Variants in C1GALT1 observed in about 807,000 individuals in gnomAD.
C1GALT1 encodes the protein glycoprotein-N-acetylgalactosamine 3-beta-galactosyltransferase 1.
In C1GALT1, 11 loss-of-function variants were observed where a neutral mutation model predicts 31.0. The ratio of observed to expected loss-of-function variants is 0.36; its 90% CI spans 0.22 to 0.59. The LOEUF is 0.59. C1GALT1 is among the 20% of genes least tolerant of loss of function. C1GALT1 has a pLI of 0.79. For synonymous variants in C1GALT1, 175 were observed against 143.6 expected (o/e 1.22, Z -1.56); for missense variants, 424 against 425.2 (o/e 1.00, Z 0.03).
At chr7:7,229,297 G>T (rs796679102) in intron 1 of C1GALT1, among the ~76,000 whole-genome samples, 6 of 152,316 alleles carry the variant, frequency 3.9e-5, no homozygotes, top group African/African-American at 1.4e-4. Flanking sequence ...AGATCAGTGT[G>T]CTGTAAGGCA....
Position 7,238,114 on chromosome 7 carries a change from G to A in C1GALT1, c.221-141G>A. ...AGAGTGTCAGTTCACATTAGGATGA[G>A]TTTGCTTTCCTTTGGCTAAATCACT... On this transcript the variant is annotated intron_variant, in intron 2 of 3. Transcript: ENST00000436587. This position sits in a 1 kb window ranked among gnomAD's most constrained non-coding sequence, Gnocchi z 5.2. 1 of 763,702 alleles carries A rather than the reference G, an allele frequency of 1.3e-6. No homozygotes were observed. The highest frequency in any genetic ancestry group is 2.0e-6 in the Non-Finnish European group (1 of 490,222). 47.3% of individuals were successfully genotyped at this position (763,702 alleles called of 1,614,324 possible).
intron 1 of C1GALT1, among the ~76,000 whole-genome samples, chr7:7,208,921 C>A (rs182161426): frequency 6.6e-6 from 1 of 152,280 alleles, no homozygotes; most frequent in East Asian, 1.9e-4. Context: ...AGGACTTTTT[C>A]TTGAAGTTTG....
At chr7:7,216,414 AC>A in intron 1 of C1GALT1, among the ~76,000 whole-genome samples, 1 of 152,088 alleles carries the variant, frequency 6.6e-6, no homozygotes, top group Non-Finnish European at 1.5e-5. Context: ...AACCACATCT[AC>A]CCAAGCAGCC....
chr7:7,182,865 G>C, intron 1 of C1GALT1, 45 bp downstream of exon 1: 5 of 984,836 alleles, frequency 5.1e-6, no homozygotes, highest in Non-Finnish European at 6.0e-6. Flanking sequence ...CCAAGGTCTC[G>C]TCTCCCCTCG....
chr7:7,204,111 G>GTTTTTTTTTTTTTTT (rs1385099347), intron 1 of C1GALT1, among the ~76,000 whole-genome samples: 1 of 114,180 alleles, frequency 8.8e-6, no homozygotes. Flanking sequence ...TTTTTTTTTT[G>GTTTTTTTTTTTTTTT]TTTTTTTGTT....
chr7:7,209,421 G>C (rs1268682320), intron 1 of C1GALT1: 1 of 152,108 alleles, frequency 6.6e-6, no homozygotes, highest in Non-Finnish European at 1.5e-5. Flanking sequence ...TTATCTTCTT[G>C]TGCAGTTGGA....
rs1468092432 is a variant in C1GALT1, at chr7:7,162,948, C to T, written c.-18+5522C>T. 2.0e-5 allele frequency among the ~76,000 whole-genome samples: 3 copies of T among 152,154 alleles called. No homozygotes were observed. In the East Asian group the frequency reaches 5.8e-4, roughly 29 times the overall value. ...AGTGTCTGTTCATGTCCTTCGCCCA[C>T]TTTTTGATGGGGTTGTTTGTTTTTT... On this transcript the variant is annotated intron_variant, in intron 2 of 3. Coordinates refer to the C1GALT1 transcript ENST00000429911.
At chr7:7,222,665 C>T (rs1377601315) in intron 1 of C1GALT1, among the ~76,000 whole-genome samples, 3 of 152,176 alleles carry the variant, frequency 2.0e-5, no homozygotes, top group Non-Finnish European at 4.4e-5. Flanking sequence ...AATTTGATTA[C>T]AGACTGTGGG....
intron 2 of C1GALT1, among the ~76,000 whole-genome samples, chr7:7,176,907 T>G (rs1345654117): frequency 6.6e-6 from 1 of 152,224 alleles, no homozygotes; most frequent in Non-Finnish European, 1.5e-5. Context: ...AGCACAATGT[T>G]GCCAGAAGGA....
Position 7,243,771 on chromosome 7 carries a change from C to T in C1GALT1, c.*44C>T, listed in dbSNP as rs761124676. On this transcript the variant is annotated 3_prime_UTR_variant, in exon 4 of 4. Transcript: ENST00000436587. Reference sequence around the variant, plus strand: ...CAAAGGTAATATGTCTAGCACTGCACTGAAAAAGGACTTCTGCATTTCTGA... The same window carrying T: ...CAAAGGTAATATGTCTAGCACTGCATTGAAAAAGGACTTCTGCATTTCTGA... The T allele has an allele frequency of 1.5e-6, 2 of 1,379,206 alleles. No individual in the cohort carries two copies. The highest frequency in any genetic ancestry group is 2.3e-5 in the Admixed American group (1 of 42,988). The allele number at this position is 1,379,206 out of a possible 1,614,324, so 85.4% of individuals were successfully genotyped here. A position where few individuals can be genotyped will look rare whatever the true frequency, so the allele number is the denominator to read the frequency against.
intron 1 of C1GALT1, 177 bp from the exon 2 acceptor site, chr7:7,234,126 T>G: frequency 1.7e-6 from 1 of 594,996 alleles, no homozygotes; most frequent in Non-Finnish European, 3.0e-6. Context: ...TAATCTGGTT[T>G]TATGGATTTT....
chr7:7,187,495 G>A (rs1481257991), intron 1 of C1GALT1, among the ~76,000 whole-genome samples: 1 of 152,068 alleles, frequency 6.6e-6, no homozygotes, highest in Non-Finnish European at 1.5e-5. Flanking sequence ...TAACAAATTA[G>A]TGGAGAGGTT....
chr7:7,218,246 G>C (rs1013122957), intron 1 of C1GALT1, among the ~76,000 whole-genome samples: 3 of 152,156 alleles, frequency 2.0e-5, no homozygotes, highest in African/African-American at 7.2e-5. Flanking sequence ...TGGAAGTCTT[G>C]GAGAAAGGCT....
At chr7:7,234,781 C>T (rs895508165) in intron 2 of C1GALT1, 13 of 346,762 alleles carry the variant, frequency 3.7e-5, no homozygotes, top group Non-Finnish European at 6.3e-5. Context: ...AAGGGCATAA[C>T]TATTCAGATT....
At chr7:7,180,687 A>C (rs1780562986), upstream of C1GALT1, among the ~76,000 whole-genome samples, 1 of 152,186 alleles carries the variant, frequency 6.6e-6, no homozygotes, top group South Asian at 2.1e-4. Flanking sequence ...TTTTTGTTTA[A>C]ATTTTTTAAA....
chr7:7,241,833 A>C (rs1783642548), intron 3 of C1GALT1, among the ~76,000 whole-genome samples: 2 of 151,902 alleles, frequency 1.3e-5, no homozygotes, highest in African/African-American at 4.8e-5. Context: ...ATAGCTTTTT[A>C]CTTTTATTGT....
intron 1 of C1GALT1, among the ~76,000 whole-genome samples, chr7:7,207,352 T>TTTA (rs1781791540): frequency 7.6e-6 from 1 of 131,476 alleles, no homozygotes; most frequent in Non-Finnish European, 1.6e-5. Context: ...TTTTTTTTTT[T>TTTA]TTTTTTTTTT....
intron 1 of C1GALT1, among the ~76,000 whole-genome samples, chr7:7,201,313 A>G (rs1328400123): frequency 1.3e-5 from 2 of 152,202 alleles, no homozygotes; most frequent in African/African-American, 4.8e-5. Context: ...GAGGCTGCAG[A>G]ACAGCGAATG....
Position 7,245,371 on chromosome 7 carries a change from T to A in C1GALT1, c.*1644T>A, listed in dbSNP as rs1410979215. On this transcript the variant is annotated 3_prime_UTR_variant, in exon 4 of 4. Transcript: ENST00000436587. ...TTTCATATTTTTAGTAGAGACAGGG[T>A]TTTGCCGTGTTGGCCAGGCTGGTCT... 6.6e-6 allele frequency: 1 copy of A among 152,282 alleles called. No homozygotes were observed. Among genetic ancestry groups the A allele is most frequent in the African/African-American group, 2.4e-5 (1 of 41,454 alleles). The allele number at this position is 152,282 out of a possible 1,614,324, so 9.4% of individuals were successfully genotyped here. A position where few individuals can be genotyped will look rare whatever the true frequency, so the allele number is the denominator to read the frequency against.
Sources: gnomAD v4.1 joint callset for allele counts (sites outside exome capture counted in the v4.1 genomes callset) on GRCh38, gnomAD v4.1.1 for gene constraint, Gnocchi (gnomAD v3.1) non-coding constraint, MANE v1.5 for transcripts, NCBI Gene and HGNC (gene_info 2026-07-23, HGNC 2026-07-21) for gene names.